GP6: variants seen among roughly 807,000 people sequenced by gnomAD.
GP6 encodes the protein glycoprotein VI platelet, also known as platelet glycoprotein VI.
A neutral mutation model predicts 37.3 loss-of-function variants in GP6; 45 were observed. The ratio of observed to expected loss-of-function variants is 1.21; its 90% CI spans 0.95 to 1.55. The LOEUF (loss-of-function observed/expected upper bound fraction) is 1.55, where lower values mean the gene tolerates loss of function less well. Among genes scored for constraint, GP6 ranks in the 40% most tolerant of loss-of-function variants. The pLI is 0.00. For missense variants in GP6, 813 were observed against 760.2 expected, an observed-to-expected ratio of 1.07 and a Z score of -0.82; for synonymous variants, 340 against 316.4, an observed-to-expected ratio of 1.07 and a Z score of -0.79.
intron 1 of GP6, chr19:55,032,872 TTCGTGTTAGACACGGTGGACTC>T (rs2074624530): frequency 2.5e-6 from 1 of 407,916 alleles, no homozygotes; most frequent in Non-Finnish European, 4.4e-6. Flanking sequence ...GGTGGGCTCG[TTCGTGTTAGACACGGTGGACTC>T]GTTCGTGTTA....
intron 5 of GP6, among the ~76,000 whole-genome samples, chr19:55,021,420 A>G (rs1434435559): frequency 6.6e-6 from 1 of 151,130 alleles, no homozygotes; most frequent in African/African-American, 2.4e-5. Flanking sequence ...GAATCACCAC[A>G]CTGTCTTCCA....
At chr19:55,018,586 A>C (rs1344597414) in intron 6 of GP6, 66 bp downstream of exon 6, 1 of 915,082 alleles carries the variant, frequency 1.1e-6, no homozygotes. Flanking sequence ...ACAGGCTTAG[A>C]TAATGGAAGA....
intron 1 of GP6, among the ~76,000 whole-genome samples, chr19:55,034,570 A>AT (rs1012827949): frequency 1.3e-5 from 2 of 151,884 alleles, no homozygotes; most frequent in African/African-American, 4.8e-5. Flanking sequence ...AAAAAAAAAA[A>AT]TGATATTGCC....
At chr19:55,037,035 AAAAG>A (rs1046244997) in intron 1 of GP6, among the ~76,000 whole-genome samples, 4 of 152,126 alleles carry the variant, frequency 2.6e-5, no homozygotes, top group Non-Finnish European at 5.9e-5. Context: ...CAAAAAGAAA[AAAAG>A]AATACATCCA....
rs41275826 is a variant in GP6, at chr19:55,032,727, A to G, written c.35-189T>C. 107,699 of 688,088 alleles carry G rather than the reference A, an allele frequency of 0.16. 9,318 individuals carry two copies. Among genetic ancestry groups the G allele is most frequent in the Admixed American group, 0.27 (12,317 of 45,664 alleles). 42.6% of individuals were successfully genotyped at this position (688,088 alleles called of 1,614,324 possible). On this transcript the variant is annotated intron_variant, in intron 1 of 7. Coordinates refer to ENST00000310373, the MANE Select transcript of GP6 (RefSeq NM_001083899.2). ...AAAAAGCCACATAGTTTATGAGGTC[A>G]TTTACATGAAATATCCAGAATAGGT...
rs534168476 is a variant in GP6, at chr19:55,023,881, A to G, written c.664+1337T>C. 3.9e-5 allele frequency among the ~76,000 whole-genome samples: 6 copies of G among 152,312 alleles called. No homozygotes were observed. The South Asian group carries it at 8.3e-4, about 21-fold the overall frequency. Reference sequence around the variant, plus strand: ...ATCCCATTTACATCAGATTCTAGAAATGGAAGATTATAGAGATGGAGAACA... The same window carrying G: ...ATCCCATTTACATCAGATTCTAGAAGTGGAAGATTATAGAGATGGAGAACA... On this transcript the variant is annotated intron_variant, in intron 5 of 7. Transcript: ENST00000310373.
At chr19:55,018,876 T>C (rs1029750454) in intron 5 of GP6, 165 bp from the exon 6 acceptor site, 2 of 688,948 alleles carry the variant, frequency 2.9e-6, no homozygotes, top group Non-Finnish European at 5.4e-6. Flanking sequence ...TTATCTTCCA[T>C]GACCGGCTTA....
chr19:55,018,563 T>A, intron 6 of GP6, 89 bp downstream of exon 6: 1 of 826,672 alleles, frequency 1.2e-6, no homozygotes, highest in African/African-American at 1.7e-5. Context: ...TTCGGTGAAG[T>A]GATTAAAAGC....
chr19:55,025,082 T>C, intron 5 of GP6, 136 bp downstream of exon 5: 1 of 712,264 alleles, frequency 1.4e-6, no homozygotes, highest in Non-Finnish European at 2.6e-6. Context: ...CAGGCAGAAA[T>C]AAAGGATTTT....
intron 4 of GP6, among the ~76,000 whole-genome samples, chr19:55,026,510 C>A (rs1394338758): frequency 6.6e-6 from 1 of 151,966 alleles, no homozygotes; most frequent in African/African-American, 2.4e-5. Context: ...GAATTTCCTT[C>A]TTTTTTAAGG....
At chr19:55,025,526 T>G (rs1310259884) in intron 4 of GP6, among the ~76,000 whole-genome samples, 1 of 151,880 alleles carries the variant, frequency 6.6e-6, no homozygotes, top group African/African-American at 2.4e-5. Context: ...GCCAGTATGG[T>G]GAAACCCCGT....
intron 3 of GP6, among the ~76,000 whole-genome samples, 175 bp downstream of exon 3, chr19:55,031,964 C>A (rs2074573218): frequency 6.6e-6 from 1 of 152,128 alleles, no homozygotes; most frequent in African/African-American, 2.4e-5. Flanking sequence ...CGCAGCAAGA[C>A]CCTGTGTCCA....
rs1190309032 is a variant in GP6, at chr19:55,033,052, T to C, written c.35-514A>G. On this transcript the variant is annotated intron_variant, in intron 1 of 7. Coordinates refer to ENST00000310373, the MANE Select transcript of GP6 (RefSeq NM_001083899.2). ...TTAGACACGGTGGACTCGTTCGTGT[T>C]GTGTTAGACACGGTGGACTCGTTCG... Among the ~76,000 whole-genome samples, 2 of 18,254 alleles carry C rather than the reference T, an allele frequency of 1.1e-4. 1 individual carries two copies. Among genetic ancestry groups the C allele is most frequent in the Non-Finnish European group, 3.1e-4 (2 of 6,430 alleles). The allele number at this position is 18,254 out of a possible 152,430, so 12.0% of individuals were successfully genotyped here.
At chr19:55,035,668 C>A (rs925854222) in intron 1 of GP6, among the ~76,000 whole-genome samples, 8 of 148,208 alleles carry the variant, frequency 5.4e-5, no homozygotes, top group Non-Finnish European at 1.2e-4. Flanking sequence ...AGTGAGCCAA[C>A]GTCATGCCAC....
chr19:55,026,572 CTT>C (rs1052333041), intron 4 of GP6, among the ~76,000 whole-genome samples: 2 of 151,838 alleles, frequency 1.3e-5, no homozygotes, highest in African/African-American at 4.8e-5. Flanking sequence ...GTATGCTGCT[CTT>C]TTTTGAAAGA....
chr19:55,033,382 A>AGACACGGTGGG lies in GP6; in HGVS notation c.35-845_35-844insCCCACCGTGTC, dbSNP rs1393879239. Among the ~76,000 whole-genome samples, 6 of 7,732 alleles carry AGACACGGTGGG rather than the reference A, an allele frequency of 7.8e-4. 1 individual carries two copies. Among genetic ancestry groups the AGACACGGTGGG allele is most frequent in the Admixed American group, 3.5e-3 (2 of 570 alleles). The allele number at this position is 7,732 out of a possible 152,430, so 5.1% of individuals were successfully genotyped here. On this transcript the variant is annotated intron_variant, in intron 1 of 7. Coordinates refer to ENST00000310373, the MANE Select transcript of GP6 (RefSeq NM_001083899.2). Reference sequence around the variant, plus strand: ...GTTCGTGTTGTGTTAGACACGGTGGACTCGTTCGTGTTGTGTTAGACACGG... The same window carrying AGACACGGTGGG: ...GTTCGTGTTGTGTTAGACACGGTGGAGACACGGTGGGCTCGTTCGTGTTGTGTTAGACACGG...
rs1179101360 is a variant in GP6, at chr19:55,037,623, C to CTTTTT, written c.34+575_34+579dup. Among the ~76,000 whole-genome samples, 123 of 50,456 alleles carry CTTTTT rather than the reference C, an allele frequency of 2.4e-3. 20 individuals are homozygous for CTTTTT. The highest frequency in any genetic ancestry group is 8.6e-3 in the African/African-American group (109 of 12,738). The allele number at this position is 50,456 out of a possible 152,430, so 33.1% of individuals were successfully genotyped here. On this transcript the variant is annotated intron_variant, in intron 1 of 7. Transcript: ENST00000310373. ...AAGTGTGTAAGCCATGGCACTCAGC[C>CTTTTT]TTTTTTTTTTTTTTTTTTTTTTTTT... is the stretch of plus-strand genomic sequence containing the variant.
chr19:55,017,338 T>A (rs749039586), intron 6 of GP6, among the ~76,000 whole-genome samples: 1 of 151,998 alleles, frequency 6.6e-6, no homozygotes, highest in Non-Finnish European at 1.5e-5. Flanking sequence ...GCTGGTCTCC[T>A]GACCTCAGGT....
At chr19:55,020,378 T>C (rs1333972033) in intron 5 of GP6, among the ~76,000 whole-genome samples, 1 of 151,968 alleles carries the variant, frequency 6.6e-6, no homozygotes, top group Non-Finnish European at 1.5e-5. Context: ...CCTCCCCCAA[T>C]TCCCCCTACA....
Sources: gnomAD v4.1 joint callset for allele counts (sites outside exome capture counted in the v4.1 genomes callset) on GRCh38, gnomAD v4.1.1 for gene constraint, MANE v1.5 for transcripts, NCBI Gene and HGNC (gene_info 2026-07-23, HGNC 2026-07-21) for gene names.